The following ZNF717 variants were observed in gnomAD, a reference collection of about 807,000 sequenced individuals.
ZNF717 encodes the protein krueppel-like factor X17.
ZNF717 carries 9 observed loss-of-function variants against 13.8 expected under a neutral mutation model. That is an observed-to-expected ratio of 0.65 (90% CI 0.39 to 1.14). The LOEUF is 1.14. ZNF717 is among the 50% of genes most tolerant of loss of function. ZNF717 has a pLI of 0.01. For synonymous variants in ZNF717, 327 were observed against 364.1 expected (o/e 0.90, Z 1.16); for missense variants, 1,040 against 1,080.7 (o/e 0.96, Z 0.53).
At position 75,737,884 on chromosome 3, in the gene ZNF717, A is replaced by G; in HGVS notation, c.1739T>C (p.Ile580Thr). The change falls in exon 5 of 5, where the codon ATA (isoleucine) becomes ACA (threonine). Residue 580 changes from isoleucine to threonine, a missense_variant. Ile to Thr is a moderately conservative substitution (Grantham distance 89, BLOSUM62 -1). Coordinates refer to ENST00000652011, the MANE Select transcript of ZNF717 (RefSeq NM_001290208.3). ...TTTGCCAGCATGAGTTCTCTGATGT[A>G]TAGTTAGGAATGACTTACAGTGAAA... ...KSFHCKSFLT[I>T]HQRTHAGKKP... 2 of 1,547,150 alleles carry G rather than the reference A, an allele frequency of 1.3e-6. No homozygotes were observed. Among genetic ancestry groups the G allele is most frequent in the Non-Finnish European group, 1.7e-6 (2 of 1,143,986 alleles).
At chr3:75,784,742 T>G (rs1047868342) in intron 1 of ZNF717, 3 of 151,994 alleles carry the variant, frequency 2.0e-5, no homozygotes, top group African/African-American at 7.3e-5. Context: ...TTCTAGGGAG[T>G]AGAATTAATA....
chr3:75,705,526 CCTT>C (rs1354976891), downstream of ZNF717, among the ~76,000 whole-genome samples: 1 of 152,308 alleles, frequency 6.6e-6, no homozygotes, highest in East Asian at 1.9e-4. Context: ...CAGTCAGACT[CCTT>C]CCAGTTCTGG....
At chr3:75,726,388 TGAGGCAGGTG>T (rs1165326383), downstream of ZNF717, among the ~76,000 whole-genome samples, 2 of 152,260 alleles carry the variant, frequency 1.3e-5, no homozygotes, top group Non-Finnish European at 2.9e-5. Flanking sequence ...TTTGGGAGGT[TGAGGCAGGTG>T]GATCACTTGG....
At chr3:75,764,807 G>A (rs1943301951) in intron 2 of ZNF717, among the ~76,000 whole-genome samples, 1 of 151,854 alleles carries the variant, frequency 6.6e-6, no homozygotes, top group Non-Finnish European at 1.5e-5. Context: ...AATATGAACT[G>A]GCTCCTCAAA....
chr3:75,781,050 A>AC (rs1944778765), intron 2 of ZNF717, among the ~76,000 whole-genome samples: 1 of 152,278 alleles, frequency 6.6e-6, no homozygotes, highest in Non-Finnish European at 1.5e-5. Flanking sequence ...CTCAAAATTG[A>AC]GAAAATAACC....
chr3:75,745,024 T>C (rs1455577417), intron 2 of ZNF717, among the ~76,000 whole-genome samples: 8 of 152,118 alleles, frequency 5.3e-5, no homozygotes, highest in Admixed American at 2.0e-4. Context: ...GGGGTCTGTG[T>C]GTTTGTCCCT....
In ZNF717 at chr3:75,737,552, A is replaced by G. The variant is rs1166356920; in HGVS notation, c.2071T>C (p.Leu691=). The G allele has an allele frequency of 1.3e-6, 2 of 1,551,026 alleles. No individual in the cohort carries two copies. The highest frequency in any genetic ancestry group is 1.4e-5 in the African/African-American group (1 of 72,872). The change falls in exon 5 of 5, where the codon TTA becomes CTA. Residue 691 remains leucine (L), a synonymous_variant. Coordinates refer to ENST00000652011, the MANE Select transcript of ZNF717 (RefSeq NM_001290208.3). ...CCCGGTGTGAGTTCTCTGATGTATA[A>G]TAAGGTATGATTTCTGACAAAAAGT... ...EKLFVRNHTL[L]YIRELTPGKS... is the part of the protein sequence containing the mutation.
Position 75,738,783 on chromosome 3 carries a change from C to G in ZNF717, c.840G>C (p.Glu280Asp). 6.4e-7 allele frequency: 1 copy of G among 1,553,130 alleles called. No homozygotes were observed. Among genetic ancestry groups the G allele is most frequent in the Non-Finnish European group, 8.7e-7 (1 of 1,147,980 alleles). The change falls in exon 5 of 5, where the codon GAG (glutamate) becomes GAC (aspartate). Residue 280 changes from glutamate to aspartate, a missense_variant. Physicochemically the swap from Glu to Asp is conservative, Grantham distance 45 (BLOSUM62 2). Coordinates refer to ENST00000652011, the MANE Select transcript of ZNF717 (RefSeq NM_001290208.3). ...CACATTCAACACATTCATAGGGTTT[C>G]TCTCCTGTGTGTGTCTGCTGATGTT... ...FTKHQQTHTG[E>D]KPYECVECEK...
chr3:75,773,090 G>C (rs1944025430), intron 2 of ZNF717, among the ~76,000 whole-genome samples: 1 of 152,122 alleles, frequency 6.6e-6, no homozygotes, highest in Admixed American at 6.5e-5. Context: ...CAGAAGGAAA[G>C]TGGAGTAAAT....
chr3:75,768,369 G>A (rs960892838), intron 2 of ZNF717, among the ~76,000 whole-genome samples: 1 of 119,188 alleles, frequency 8.4e-6, no homozygotes, highest in Non-Finnish European at 1.9e-5. Flanking sequence ...GTGGGGGGGG[G>A]GGGTAGATGA....
At chr3:75,769,027 T>A (rs999198424) in intron 2 of ZNF717, among the ~76,000 whole-genome samples, 1 of 152,106 alleles carries the variant, frequency 6.6e-6, no homozygotes, top group Non-Finnish European at 1.5e-5. Flanking sequence ...GAAATGTTAA[T>A]AGTTTGTGGC....
intron 4 of ZNF717, among the ~76,000 whole-genome samples, chr3:75,717,023 G>A (rs1255947420): frequency 6.6e-6 from 1 of 151,156 alleles, no homozygotes; most frequent in Admixed American, 6.6e-5. Context: ...CAGACACTGT[G>A]CAGTCTTTTT....
chr3:75,742,692 G>A (rs1940630983), intron 2 of ZNF717, among the ~76,000 whole-genome samples: 2 of 152,180 alleles, frequency 1.3e-5, no homozygotes, highest in Admixed American at 6.5e-5. Context: ...CAATATTTAA[G>A]GAACTGATTA....
chr3:75,731,796 A>G (rs183602171), downstream of ZNF717, among the ~76,000 whole-genome samples: 1 of 152,372 alleles, frequency 6.6e-6, no homozygotes, highest in East Asian at 1.9e-4. Context: ...TGAAAAATCA[A>G]CAATCCTTTT....
intron 4 of ZNF717, among the ~76,000 whole-genome samples, chr3:75,722,043 C>T (rs1358660915): frequency 6.7e-6 from 1 of 148,782 alleles, no homozygotes; most frequent in Admixed American, 6.7e-5. Context: ...GTCAAGAGAT[C>T]AAGACCATCC....
downstream of ZNF717, among the ~76,000 whole-genome samples, chr3:75,705,269 C>T (rs1184178567): frequency 2.6e-5 from 4 of 152,370 alleles, no homozygotes; most frequent in Non-Finnish European, 4.4e-5. Context: ...GATCTGACTC[C>T]TATTTTGCAG....
chr3:75,772,430 C>G (rs185324784), intron 2 of ZNF717, among the ~76,000 whole-genome samples: 23 of 152,322 alleles, frequency 1.5e-4, no homozygotes, highest in African/African-American at 5.5e-4. Context: ...CTTCAGGGAA[C>G]CCAGACTTAG....
intron 2 of ZNF717, among the ~76,000 whole-genome samples, chr3:75,753,679 G>T (rs62268076): frequency 3.0e-5 from 4 of 134,774 alleles, no homozygotes; most frequent in African/African-American, 5.9e-5. Context: ...ACTCCTGCTG[G>T]GGTCTGAATG....
chr3:75,762,098 AAAAGAAAAG>A (rs1943081843), intron 2 of ZNF717, among the ~76,000 whole-genome samples: 1 of 33,998 alleles, frequency 2.9e-5, no homozygotes, highest in Non-Finnish European at 8.4e-5. Context: ...AGAAAAGAAA[AAAAGAAAAG>A]AAAGAAAAAG....
Sources: gnomAD v4.1 joint callset for allele counts (sites outside exome capture counted in the v4.1 genomes callset) on GRCh38, gnomAD v4.1.1 for gene constraint, MANE v1.5 for transcripts, NCBI Gene and HGNC (gene_info 2026-07-23, HGNC 2026-07-21) for gene names.